GGA2: variants seen among roughly 807,000 people sequenced by gnomAD.
GGA2 encodes ADP-ribosylation factor-binding protein GGA2.
GGA2 carries 48 observed loss-of-function variants against 79.5 expected under a neutral mutation model. The ratio of observed to expected loss-of-function variants is 0.60; its 90% CI spans 0.48 to 0.77. GGA2 has a LOEUF of 0.77. GGA2 is among the 30% of genes least tolerant of loss of function. GGA2 has a pLI of 0.00. For synonymous variants in GGA2, 317 were observed against 302.0 expected (o/e 1.05, Z -0.51); for missense variants, 770 against 774.0 (o/e 0.99, Z 0.06).
chr16:23,475,193 T>A, intron 13 of GGA2, 132 bp from the exon 14 acceptor site: 1 of 395,304 alleles, frequency 2.5e-6, no homozygotes, highest in Non-Finnish European at 4.6e-6. Context: ...ATATGCCTTT[T>A]TTTTTTTTTT....
At chr16:23,473,048 A>G (rs1596976270) in intron 14 of GGA2, among the ~76,000 whole-genome samples, 1 of 151,100 alleles carries the variant, frequency 6.6e-6, no homozygotes, top group East Asian at 1.9e-4. Flanking sequence ...AAAAAAAAAA[A>G]GACTGAATAA....
rs1255997405 is a variant in GGA2, at chr16:23,494,342, G to A, written c.213C>T (p.Ile71=). The A allele has an allele frequency of 2.5e-6, 4 of 1,613,178 alleles. No individual in the cohort carries two copies. The African/African-American group carries it at 5.3e-5, about 22-fold the overall frequency. ...GAGCTTCCTTCTCTTGCGGAGACTG[G>A]ATCTTGTGGGCCAGTAGCCAGGGCG... is the stretch of plus-strand genomic sequence containing the variant. The part of the protein sequence containing the change: ...THAPWLLAHK[I]QSPQEKEALY... Residue 71 remains isoleucine, a synonymous_variant, in exon 3 of 17, where the codon ATC becomes ATT. Coordinates refer to ENST00000309859, the MANE Select transcript of GGA2 (RefSeq NM_015044.4).
At chr16:23,492,236 TAGAGAGCTTC>T (rs1432756867) in intron 4 of GGA2, among the ~76,000 whole-genome samples, 1 of 152,118 alleles carries the variant, frequency 6.6e-6, no homozygotes, top group African/African-American at 2.4e-5. Flanking sequence ...AGTGAGTGCC[TAGAGAGCTTC>T]AAGGGCTGGC....
upstream of GGA2, chr16:23,522,682 T>C (rs1032148851): frequency 5.3e-5 from 8 of 152,156 alleles, no homozygotes; most frequent in African/African-American, 1.9e-4. Context: ...AAAATAAATA[T>C]ATTGTCTACT....
At position 23,510,373 on chromosome 16, in the gene GGA2, G is replaced by C; in HGVS notation, c.39C>G (p.Thr13=). The part of the protein sequence containing the change: ...ATAVAAAVAG[T]ESAQGPPGPA... ...GGCCCGGGGGACCCTGGGCCGACTC[G>C]GTTCCCGCCACAGCCGCCGCCACCG... The change falls in exon 1 of 17, where the codon ACC becomes ACG. Residue 13 remains threonine, a synonymous_variant. Transcript: ENST00000309859. 1 of 1,415,704 alleles carries C rather than the reference G, an allele frequency of 7.1e-7. No homozygotes were observed. The highest frequency in any genetic ancestry group is 1.5e-5 in the African/African-American group (1 of 67,528). The allele number at this position is 1,415,704 out of a possible 1,614,324, so 87.7% of individuals were successfully genotyped here. A position where few individuals can be genotyped will look rare whatever the true frequency, so the allele number is the denominator to read the frequency against.
chr16:23,486,981 G>GTTT (rs374719399), intron 6 of GGA2, among the ~76,000 whole-genome samples, 191 bp from the exon 7 acceptor site: 52 of 97,076 alleles, frequency 5.4e-4, no homozygotes, highest in South Asian at 1.0e-3. Flanking sequence ...TTTCTTTTCT[G>GTTT]TTGTTTTTTT....
intron 3 of GGA2, 177 bp downstream of exon 3, chr16:23,494,123 CAGG>C (rs1964824340): frequency 1.7e-6 from 1 of 603,654 alleles, no homozygotes; most frequent in Non-Finnish European, 3.0e-6. Flanking sequence ...AGACGAGAAA[CAGG>C]AGGAAGAAGG....
chr16:23,471,987 G>GTA (rs1964516466), intron 14 of GGA2, among the ~76,000 whole-genome samples: 1 of 152,082 alleles, frequency 6.6e-6, no homozygotes, highest in Non-Finnish European at 1.5e-5. Context: ...AATACCAGTG[G>GTA]GGTATGGTGG....
chr16:23,481,171 G>A (rs1333692508), intron 9 of GGA2, among the ~76,000 whole-genome samples: 1 of 152,164 alleles, frequency 6.6e-6, no homozygotes, highest in African/African-American at 2.4e-5. Context: ...CTGAGGTCAG[G>A]AGTTCGAGAC....
chr16:23,495,529 T>C, intron 2 of GGA2, 165 bp downstream of exon 2: 2 of 415,978 alleles, frequency 4.8e-6, no homozygotes, highest in Non-Finnish European at 8.6e-6. Flanking sequence ...ACTCCTGGGC[T>C]CAAGCAATCC....
intron 2 of GGA2, among the ~76,000 whole-genome samples, chr16:23,494,953 C>T (rs2142134461): frequency 6.6e-6 from 1 of 152,092 alleles, no homozygotes; most frequent in South Asian, 2.1e-4. Flanking sequence ...GGCATGGAGG[C>T]ACGCGCCTGT....
chr16:23,471,501 G>A (rs1964510708), intron 14 of GGA2, among the ~76,000 whole-genome samples: 2 of 152,140 alleles, frequency 1.3e-5, no homozygotes, highest in Admixed American at 1.3e-4. Context: ...AAATGAGACT[G>A]TAACATAACA....
chr16:23,470,325 A>G (rs1433415401), intron 14 of GGA2, among the ~76,000 whole-genome samples, 160 bp from the exon 15 acceptor site: 4 of 152,160 alleles, frequency 2.6e-5, no homozygotes, highest in Non-Finnish European at 5.9e-5. Context: ...CCAAGTCCTC[A>G]TGACTCTAGC....
At chr16:23,505,125 A>G (rs1029554060) in intron 1 of GGA2, among the ~76,000 whole-genome samples, 1 of 152,192 alleles carries the variant, frequency 6.6e-6, no homozygotes, top group Non-Finnish European at 1.5e-5. Flanking sequence ...CTTCCCTGGG[A>G]GGGACACGTG....
chr16:23,503,021 T>C (rs1325458066), intron 1 of GGA2, among the ~76,000 whole-genome samples: 4 of 152,222 alleles, frequency 2.6e-5, no homozygotes, highest in Non-Finnish European at 5.9e-5. Context: ...TGAATCCTCA[T>C]CTTTCCTTGG....
intron 1 of GGA2, among the ~76,000 whole-genome samples, chr16:23,498,865 C>T (rs771609957): frequency 1.3e-5 from 2 of 152,086 alleles, no homozygotes; most frequent in South Asian, 2.1e-4. Flanking sequence ...TGATTCTCAG[C>T]GATTATGTGT....
chr16:23,479,827 T>C lies in GGA2; in HGVS notation c.1067A>G (p.Asn356Ser), dbSNP rs1403453223. ...TCPLIDLEVD[N>S]GPAQMGTVVP... Reference sequence around the variant, plus strand: ...CACAGTCCCCATCTGCGCAGGTCCATTGTCCACCTCCAAGTCAATCAGGGG... The same window carrying C: ...CACAGTCCCCATCTGCGCAGGTCCACTGTCCACCTCCAAGTCAATCAGGGG... The change falls in exon 11 of 17, where the codon AAT (asparagine) becomes AGT (serine). Residue 356 changes from asparagine (N) to serine (S), a missense_variant. Asn to Ser is a conservative substitution (Grantham distance 46). Transcript: ENST00000309859. 6.2e-6 allele frequency: 10 copies of C among 1,614,038 alleles called. No homozygotes were observed. The highest frequency in any genetic ancestry group is 1.3e-5 in the African/African-American group (1 of 74,930).
At chr16:23,497,786 C>T (rs997316280) in intron 1 of GGA2, among the ~76,000 whole-genome samples, 1 of 152,166 alleles carries the variant, frequency 6.6e-6, no homozygotes, top group African/African-American at 2.4e-5. Context: ...CCAGCTACAC[C>T]CATTAGTCAC....
In GGA2 at chr16:23,465,285, A is replaced by G. The variant is rs1172724768; in HGVS notation, c.*2305T>C. 1 of 701,580 alleles carries G rather than the reference A, an allele frequency of 1.4e-6. No homozygotes were observed. The highest frequency in any genetic ancestry group is 2.0e-5 in the Admixed American group (1 of 49,904). 43.5% of individuals were successfully genotyped at this position (701,580 alleles called of 1,614,324 possible). A position where few individuals can be genotyped will look rare whatever the true frequency, so the allele number is the denominator to read the frequency against. ...TAGGCGTGAGCCACTGTGCACAGCC[A>G]ATAACTACTTGTTAAGTGAATGAAG... On this transcript the variant is annotated 3_prime_UTR_variant, in exon 17 of 17. Coordinates refer to ENST00000309859, the MANE Select transcript of GGA2 (RefSeq NM_015044.4).
Sources: gnomAD v4.1 joint callset for allele counts (sites outside exome capture counted in the v4.1 genomes callset) on GRCh38, gnomAD v4.1.1 for gene constraint, MANE v1.5 for transcripts, NCBI Gene and HGNC (gene_info 2026-07-23, HGNC 2026-07-21) for gene names.